The following MMP1 variants were observed in gnomAD, a reference collection of about 807,000 sequenced individuals.
MMP1 encodes the protein matrix metallopeptidase 1, also known as interstitial collagenase.
A neutral mutation model predicts 49.6 loss-of-function variants in MMP1; 51 were observed. The observed-to-expected ratio is 1.03, with a 90% CI of 0.82 to 1.30. The LOEUF (loss-of-function observed/expected upper bound fraction) is 1.30. Ranked by LOEUF, MMP1 falls within the 50% of genes most tolerant of loss-of-function variation. The pLI is 0.00. For synonymous variants in MMP1, 230 were observed against 196.8 expected (o/e 1.17, Z -1.41); for missense variants, 623 against 568.7 (o/e 1.10, Z -0.97).
In MMP1 at chr11:102,792,747, A is replaced by T. The variant is rs56142712; in HGVS notation, c.900-9T>A. The T allele has an allele frequency of 6.3e-7, 1 of 1,590,880 alleles. No homozygotes were observed. Among genetic ancestry groups the T allele is most frequent in the Non-Finnish European group, 8.6e-7 (1 of 1,167,868 alleles). On this transcript the variant is annotated splice_polypyrimidine_tract_variant and intron_variant, in intron 6 of 9. Coordinates refer to ENST00000315274, the MANE Select transcript of MMP1 (RefSeq NM_002421.4). ...TTGTGCGCATGTAGAATCTGATTAG[A>T]AAAAAAGCAAGAAAAGTTTCCATCT...
At position 102,790,425 on chromosome 11, in the gene MMP1, C is replaced by T; in HGVS notation, c.1397G>A (p.Cys466Tyr). ...AATTAGTAATGTTCAATTTTTCCTG[C>T]AGTTGAACCAGCTATTAGCTTTCTG... ...TLQKANSWFN[C>Y]RKN The change falls in exon 10 of 10, where the codon TGC (cysteine) becomes TAC (tyrosine). Residue 466 changes from cysteine (C) to tyrosine (Y), a missense_variant. Cys to Tyr is a radical substitution (Grantham distance 194). Transcript: ENST00000315274. 1 of 1,598,872 alleles carries T rather than the reference C, an allele frequency of 6.3e-7. No homozygotes were observed.
chr11:102,790,521 C>G lies in MMP1; in HGVS notation c.1301G>C (p.Gly434Ala), dbSNP rs181629882. ...HKVDAVFMKD[G>A]FFYFFHGTRQ... is the part of the protein sequence containing the mutation. ...TGTTCCATGAAAGAAATAGAAAAAT[C>G]CTAGAAACAAAACAAAAGAGACTTA... Residue 434 changes from glycine to alanine, a missense_variant and splice_region_variant, in exon 10 of 10, where the codon GGA becomes GCA. Transcript: ENST00000315274. 1.3e-6 allele frequency: 2 copies of G among 1,568,360 alleles called. No homozygotes were observed. Among genetic ancestry groups the G allele is most frequent in the East Asian group, 4.5e-5 (2 of 44,542 alleles).
rs186237230 is a variant in MMP1 at position 102,790,704 on chromosome 11, A to G, written c.1299T>C (p.Asp433=). ...GGAAATACATGTATATTCACTTACC[A>G]TCTTTCATGAAAACTGCATCAACTT... is the stretch of plus-strand genomic sequence containing the variant. ...GHKVDAVFMK[D]GFFYFFHGTR... is the part of the protein sequence containing the mutation. Residue 433 remains aspartate, a splice_region_variant and synonymous_variant, in exon 9 of 10, where the codon GAT becomes GAC. Coordinates refer to ENST00000315274, the MANE Select transcript of MMP1 (RefSeq NM_002421.4). The G allele has an allele frequency of 7.0e-4, 1,124 of 1,598,808 alleles. 15 individuals are homozygous for G. The East Asian group carries it at 0.021, about 30-fold the overall frequency.
intron 6 of MMP1, 100 bp from the exon 7 acceptor site, chr11:102,792,838 G>A (rs1455527449): frequency 2.7e-6 from 3 of 1,095,316 alleles, no homozygotes; most frequent in Non-Finnish European, 4.1e-6. Flanking sequence ...CTAGTGGTGT[G>A]CTGGTAAATG....
At chr11:102,797,584 A>G in intron 1 of MMP1, 84 bp from the exon 2 acceptor site, 1 of 1,512,238 alleles carries the variant, frequency 6.6e-7, no homozygotes, top group Non-Finnish European at 9.0e-7. Flanking sequence ...TTTAGCCAAA[A>G]CAGAGAACTG....
chr11:102,790,104 A>G lies in MMP1; in HGVS notation c.*308T>C. 5.2e-6 allele frequency: 1 copy of G among 193,270 alleles called. No homozygotes were observed. Among genetic ancestry groups the G allele is most frequent in the Non-Finnish European group, 1.0e-5 (1 of 95,342 alleles). 12.0% of individuals were successfully genotyped at this position (193,270 alleles called of 1,614,324 possible). The stretch of plus-strand genomic sequence containing the variant: ...TCTTGAAAGGATATGTTTGTCACTG[A>G]AGCTGCTCTCTGGGATCAACGTCAG... On this transcript the variant is annotated 3_prime_UTR_variant, in exon 10 of 10. Transcript: ENST00000315274.
chr11:102,792,605 C>G lies in MMP1; in HGVS notation c.1033G>C (p.Gly345Arg). ...ADRDEVRFFK[G>R]NKYWAVQGQN... The stretch of plus-strand genomic sequence containing the variant: ...AGTGAAAAATAATTAGAAAGATTAC[C>G]TTTGAAAAACCGGACTTCATCTCTG... Residue 345 changes from glycine to arginine, a missense_variant and splice_region_variant, in exon 7 of 10, where the codon GGG becomes CGG. Transcript: ENST00000315274. 1 of 1,613,014 alleles carries G rather than the reference C, an allele frequency of 6.2e-7. No individual in the cohort carries two copies.
chr11:102,796,193 C>T (rs1240464660), intron 4 of MMP1, among the ~76,000 whole-genome samples: 1 of 152,184 alleles, frequency 6.6e-6, no homozygotes, highest in Non-Finnish European at 1.5e-5. Context: ...TTGTGATCTG[C>T]CTGCCTTGGC....
In MMP1 at chr11:102,796,898, G is replaced by T. The variant is rs7951192; in HGVS notation, c.500-109C>A. The T allele has an allele frequency of 1.5e-4, 222 of 1,529,202 alleles. 1 individual carries two copies. The African/African-American group carries it at 2.9e-3, about 20-fold the overall frequency. The allele number at this position is 1,529,202 out of a possible 1,614,324, so 94.7% of individuals were successfully genotyped here. On this transcript the variant is annotated intron_variant, in intron 3 of 9. Coordinates refer to ENST00000315274, the MANE Select transcript of MMP1 (RefSeq NM_002421.4). Reference sequence around the variant, plus strand: ...CCAACAGACTTCCATCAACTGTGATGCAGTTTCCCTCTTCGAGCCCATAAA... The same window carrying T: ...CCAACAGACTTCCATCAACTGTGATTCAGTTTCCCTCTTCGAGCCCATAAA...
chr11:102,790,690 T>C lies in MMP1; in HGVS notation c.1300+13A>G, dbSNP rs1858002137. The C allele has an allele frequency of 6.5e-7, 1 of 1,549,822 alleles. No individual in the cohort carries two copies. Among genetic ancestry groups the C allele is most frequent in the Non-Finnish European group, 8.9e-7 (1 of 1,121,762 alleles). ...GGCAATGAAATGGAGGAAATACATGTATATTCACTTACCATCTTTCATGAA... is the reference window on the plus strand; with the variant it reads ...GGCAATGAAATGGAGGAAATACATGCATATTCACTTACCATCTTTCATGAA... On this transcript the variant is annotated intron_variant, in intron 9 of 9. Transcript: ENST00000315274.
Position 102,795,451 on chromosome 11 carries a change from C to A in MMP1, c.781+1G>T. 4.3e-6 allele frequency: 7 copies of A among 1,613,310 alleles called. No individual in the cohort carries two copies. Among genetic ancestry groups the A allele is most frequent in the Non-Finnish European group, 5.9e-6 (7 of 1,179,798 alleles). ...TCCGTAATGTTTTTCCCCATACTCACCATATATGGCTTGGATGCCATCAAT... is the reference window on the plus strand; with the variant it reads ...TCCGTAATGTTTTTCCCCATACTCAACATATATGGCTTGGATGCCATCAAT... On this transcript the variant is annotated splice_donor_variant, in intron 5 of 9. Transcript: ENST00000315274. LOFTEE classifies it high-confidence loss of function.
At chr11:102,791,220 T>C in intron 8 of MMP1, 113 bp downstream of exon 8, 1 of 1,109,400 alleles carries the variant, frequency 9.0e-7, no homozygotes, top group Non-Finnish European at 1.3e-6. Flanking sequence ...ACCAGCCATC[T>C]GAAGGAAAGG....
Position 102,791,458 on chromosome 11 carries a change from T to C in MMP1, c.1071A>G (p.Leu357=). Residue 357 remains leucine (L), a synonymous_variant, in exon 8 of 10, where the codon CTA becomes CTG. Coordinates refer to ENST00000315274, the MANE Select transcript of MMP1 (RefSeq NM_002421.4). ...TGTAGATGTCCTTGGGGTATCCGTG[T>C]AGCACATTCTGTCCCTGAACAGCCC... ...KYWAVQGQNV[L]HGYPKDIYSS... 1 of 1,614,022 alleles carries C rather than the reference T, an allele frequency of 6.2e-7. No homozygotes were observed. The highest frequency in any genetic ancestry group is 8.5e-7 in the Non-Finnish European group (1 of 1,179,870).
At chr11:102,791,054 G>C (rs1453487635) in intron 8 of MMP1, among the ~76,000 whole-genome samples, 2 of 152,196 alleles carry the variant, frequency 1.3e-5, no homozygotes, top group African/African-American at 4.8e-5. Context: ...AACATACTAT[G>C]GAAGATAAGT....
In MMP1 at chr11:102,790,357, GGA is replaced by G. The variant is rs1857989979; in HGVS notation, c.*53_*54del. 9.3e-7 allele frequency: 1 copy of G among 1,073,058 alleles called. No homozygotes were observed. Among genetic ancestry groups the G allele is most frequent in the South Asian group, 1.4e-5 (1 of 69,420 alleles). The allele number at this position is 1,073,058 out of a possible 1,614,324, so 66.5% of individuals were successfully genotyped here. On this transcript the variant is annotated 3_prime_UTR_variant, in exon 10 of 10. Coordinates refer to ENST00000315274, the MANE Select transcript of MMP1 (RefSeq NM_002421.4). Reference sequence around the variant, plus strand: ...GACTGAGAAAATAGACAGTTCTTCAGGAAAACACCTTCTTTGGACTCACACCA... The same window carrying G: ...GACTGAGAAAATAGACAGTTCTTCAGAAACACCTTCTTTGGACTCACACCA...
chr11:102,792,783 A>G (rs764946586), intron 6 of MMP1, 45 bp from the exon 7 acceptor site: 1 of 1,573,064 alleles, frequency 6.4e-7, no homozygotes, highest in Non-Finnish European at 8.7e-7. Context: ...AATTTCTGGT[A>G]ATCTCTGGCA....
intron 3 of MMP1, 78 bp downstream of exon 3, chr11:102,796,936 C>T: frequency 1.9e-6 from 3 of 1,549,386 alleles, no homozygotes; most frequent in Non-Finnish European, 2.6e-6. Flanking sequence ...CAACATTCAT[C>T]TTAAACAATC....
At position 102,795,248 on chromosome 11, in the gene MMP1, T is replaced by A; in HGVS notation, c.825A>T (p.Pro275=). The A allele has an allele frequency of 6.2e-7, 1 of 1,614,114 alleles. No individual in the cohort carries two copies. Among genetic ancestry groups the A allele is most frequent in the South Asian group, 1.1e-5 (1 of 91,082 alleles). ...NPVQPIGPQT[P]KACDSKLTFD... is the part of the protein sequence containing the mutation. ...AGGTTAGCTTACTGTCACACGCTTT[T>A]GGGGTTTGTGGGCCGATGGGCTGGA... Residue 275 remains proline (P), a synonymous_variant, in exon 6 of 10, where the codon CCA becomes CCT. Transcript: ENST00000315274.
intron 8 of MMP1, 43 bp downstream of exon 8, chr11:102,791,290 T>C (rs775415202): frequency 1.9e-6 from 3 of 1,607,984 alleles, no homozygotes; most frequent in Admixed American, 1.7e-5. Flanking sequence ...ACTTTTTATG[T>C]AGAAAGAACT....
Sources: gnomAD v4.1 joint callset for allele counts (sites outside exome capture counted in the v4.1 genomes callset) on GRCh38, gnomAD v4.1.1 for gene constraint, MANE v1.5 for transcripts, NCBI Gene and HGNC (gene_info 2026-07-23, HGNC 2026-07-21) for gene names.